FOXP1: variants seen among roughly 807,000 people sequenced by gnomAD.
FOXP1 encodes the protein forkhead box P1.
FOXP1 carries 15 observed loss-of-function variants against 98.2 expected under a neutral mutation model. That is an observed-to-expected ratio of 0.15 (90% confidence interval 0.10 to 0.24). FOXP1 has a LOEUF of 0.24. Ranked by LOEUF, FOXP1 falls within the 10% of genes least tolerant of loss-of-function variation. FOXP1 has a pLI of 1.00. For synonymous variants in FOXP1, 371 were observed against 314.5 expected, an observed-to-expected ratio of 1.18 and a Z score of -1.90; for missense variants, 633 against 848.5, an observed-to-expected ratio of 0.75 and a Z score of 3.15.
intron 3 of FOXP1, among the ~76,000 whole-genome samples, chr3:71,442,513 G>A (rs1395855390): frequency 1.3e-5 from 2 of 152,120 alleles, no homozygotes; most frequent in African/African-American, 4.8e-5. Flanking sequence ...CAAGTCTCGC[G>A]CAGTGAGTTG....
chr3:71,163,345 G>C (rs768146061), intron 6 of FOXP1, among the ~76,000 whole-genome samples: 2 of 152,102 alleles, frequency 1.3e-5, no homozygotes, highest in African/African-American at 2.4e-5. Context: ...CTTAGAGAGC[G>C]GGATTTTATT....
At chr3:71,167,627 G>A (rs933793884) in intron 6 of FOXP1, among the ~76,000 whole-genome samples, 1 of 152,044 alleles carries the variant, frequency 6.6e-6, no homozygotes, top group Admixed American at 6.5e-5. Context: ...ATTTTAAGTG[G>A]ATCCCAAGAA....
At chr3:71,266,069 T>C (rs1387199438) in intron 5 of FOXP1, among the ~76,000 whole-genome samples, 3 of 151,942 alleles carry the variant, frequency 2.0e-5, no homozygotes, top group African/African-American at 4.8e-5. Context: ...TAAGGAAGAA[T>C]TTGCTAGCGC....
At chr3:71,235,935 ATATAT>A (rs2066735141) in intron 5 of FOXP1, among the ~76,000 whole-genome samples, 1 of 152,226 alleles carries the variant, frequency 6.6e-6, no homozygotes, top group Non-Finnish European at 1.5e-5. Context: ...GGTAAAGAAC[ATATAT>A]TAGGAGAGTA....
At chr3:71,082,100 G>A in intron 7 of FOXP1, among the ~76,000 whole-genome samples, 1 of 151,940 alleles carries the variant, frequency 6.6e-6, no homozygotes, top group East Asian at 1.9e-4. Flanking sequence ...CCAACATGGT[G>A]AAACCTCATC....
chr3:71,219,349 A>C (rs2065184657), intron 5 of FOXP1, among the ~76,000 whole-genome samples: 1 of 152,250 alleles, frequency 6.6e-6, no homozygotes, highest in South Asian at 2.1e-4. Flanking sequence ...ACCACTGGCC[A>C]CATGTGGCTA....
intron 3 of FOXP1, among the ~76,000 whole-genome samples, chr3:71,402,526 C>G (rs2082021313): frequency 6.6e-6 from 1 of 152,170 alleles, no homozygotes; most frequent in Non-Finnish European, 1.5e-5. Flanking sequence ...TGACAGAATA[C>G]TTTGTACATT....
chr3:70,970,943 T>C, intron 18 of FOXP1, 138 bp from the exon 19 acceptor site: 1 of 712,668 alleles, frequency 1.4e-6, no homozygotes, highest in East Asian at 2.7e-5. Flanking sequence ...AAAGTCAGGC[T>C]TTCTCCCCGT....
intron 7 of FOXP1, among the ~76,000 whole-genome samples, chr3:71,098,111 T>C (rs1559923658): frequency 6.6e-6 from 1 of 152,238 alleles, no homozygotes; most frequent in Non-Finnish European, 1.5e-5. Context: ...AATTAAATTC[T>C]GTTTTGCTTT....
At position 71,192,464 on chromosome 3, in the gene FOXP1, C is replaced by T. The variant is rs185884468; in HGVS notation, c.180+5738G>A. Among the ~76,000 whole-genome samples the T allele has an allele frequency of 7.5e-4, 114 of 152,292 alleles. 1 individual carries two copies. Among genetic ancestry groups the T allele is most frequent in the African/African-American group, 2.6e-3 (110 of 41,554 alleles). The stretch of plus-strand genomic sequence containing the variant: ...CATCCAGTGGTGGTTGCTGCCAGTA[C>T]AGACACCAACAGCTATTTCTTGCAG... On this transcript the variant is annotated intron_variant, in intron 6 of 20. Coordinates refer to ENST00000649528, the MANE Select transcript of FOXP1 (RefSeq NM_001349338.3).
chr3:71,494,604 G>T, intron 2 of FOXP1, among the ~76,000 whole-genome samples: 1 of 152,122 alleles, frequency 6.6e-6, no homozygotes, highest in East Asian at 1.9e-4. Flanking sequence ...TCCATGTCCT[G>T]CAGAAATCTG....
intron 2 of FOXP1, among the ~76,000 whole-genome samples, chr3:71,522,913 C>T (rs917663655): frequency 1.3e-5 from 2 of 152,156 alleles, no homozygotes; most frequent in Non-Finnish European, 2.9e-5. Flanking sequence ...TCTCAGGAGC[C>T]GCAGTACTTA....
chr3:71,568,187 T>C (rs1423216244), intron 2 of FOXP1, among the ~76,000 whole-genome samples: 1 of 151,992 alleles, frequency 6.6e-6, no homozygotes, highest in Non-Finnish European at 1.5e-5. Context: ...CTGCAGAGAA[T>C]ACCCAGTCCT....
intron 4 of FOXP1, among the ~76,000 whole-genome samples, chr3:71,335,713 T>C (rs1226742614): frequency 2.6e-5 from 4 of 151,866 alleles, no homozygotes; most frequent in African/African-American, 7.3e-5. Context: ...AGGTAAGAAA[T>C]GTACAAGGTG....
At chr3:70,964,172 T>C (rs141079327) in intron 20 of FOXP1, among the ~76,000 whole-genome samples, 70 of 152,320 alleles carry the variant, frequency 4.6e-4, no homozygotes, top group African/African-American at 1.6e-3. Context: ...CCTGTGAGAT[T>C]TGAGCAACGC....
intron 2 of FOXP1, among the ~76,000 whole-genome samples, chr3:71,528,589 A>G (rs1490197050): frequency 6.6e-6 from 1 of 152,242 alleles, no homozygotes; most frequent in Non-Finnish European, 1.5e-5. Context: ...TCACAGATCA[A>G]TTTGAAGTTA....
At chr3:70,991,084 C>T (rs558581902) in intron 13 of FOXP1, among the ~76,000 whole-genome samples, 7 of 146,798 alleles carry the variant, frequency 4.8e-5, no homozygotes, top group African/African-American at 1.5e-4. Flanking sequence ...AAAGTGAAAT[C>T]GGTCCAGTGT....
chr3:71,056,565 G>T (rs780012057), intron 7 of FOXP1, among the ~76,000 whole-genome samples: 7 of 152,078 alleles, frequency 4.6e-5, no homozygotes, highest in Non-Finnish European at 1.0e-4. Context: ...CCTCCAAACG[G>T]GCTGATCACT....
Position 70,956,163 on chromosome 3 carries a change from A to C in FOXP1, c.*3084T>G. ...TATGCATTTATTCCTTTTTAGGAAC[A>C]ATATCTAAAAAAAGAACCGCCCTCT... is the stretch of plus-strand genomic sequence containing the variant. On this transcript the variant is annotated 3_prime_UTR_variant, in exon 21 of 21. Transcript: ENST00000649528. The C allele has an allele frequency of 4.3e-6, 1 of 233,382 alleles. No homozygotes were observed. Among genetic ancestry groups the C allele is most frequent in the Non-Finnish European group, 8.5e-6 (1 of 118,020 alleles). The allele number at this position is 233,382 out of a possible 1,614,324, so 14.5% of individuals were successfully genotyped here.
Sources: gnomAD v4.1 joint callset for allele counts (sites outside exome capture counted in the v4.1 genomes callset) on GRCh38, gnomAD v4.1.1 for gene constraint, MANE v1.5 for transcripts, NCBI Gene and HGNC (gene_info 2026-07-23, HGNC 2026-07-21) for gene names.